Variants in SEPTIN7 observed in about 807,000 individuals in gnomAD.
SEPTIN7 encodes the protein septin 7, also known as septin-7.
In SEPTIN7, 10 loss-of-function variants were observed where a neutral mutation model predicts 63.3. The observed-to-expected ratio is 0.16, with a 90% confidence interval of 0.10 to 0.27. SEPTIN7 has a LOEUF of 0.27. Ranked by LOEUF, SEPTIN7 falls within the 10% of genes least tolerant of loss-of-function variation. The pLI, the probability that SEPTIN7 is intolerant of heterozygous loss-of-function variation, is 1.00. For missense variants in SEPTIN7, 310 were observed against 521.0 expected (o/e 0.59, Z 3.94); for synonymous variants, 131 against 165.3 (o/e 0.79, Z 1.59).
At chr7:35,821,665 A>G (rs1789416872) in intron 1 of SEPTIN7, among the ~76,000 whole-genome samples, 1 of 152,254 alleles carries the variant, frequency 6.6e-6, no homozygotes, top group African/African-American at 2.4e-5. Flanking sequence ...TTTGGTCCAC[A>G]TGGTTAAATT....
At chr7:35,854,018 G>C (rs1321862298) in intron 3 of SEPTIN7, among the ~76,000 whole-genome samples, 1 of 152,122 alleles carries the variant, frequency 6.6e-6, no homozygotes, top group Non-Finnish European at 1.5e-5. Context: ...TGAAATCTCA[G>C]ATACTCCAAA....
rs1786439031 is a variant in SEPTIN7 at position 35,875,778 on chromosome 7, CATA to C, written c.512+2004_512+2006del. On this transcript the variant is annotated intron_variant, in intron 6 of 13. Transcript: ENST00000350320. ...AGAAGGATTTTTTCTCTTATACATA[CATA>C]CATACATACATACAAAAAAAATTTG... 3.9e-5 allele frequency among the ~76,000 whole-genome samples: 6 copies of C among 151,966 alleles called. No individual in the cohort carries two copies. In the South Asian group the frequency reaches 1.3e-3, roughly 33 times the overall value.
intron 4 of SEPTIN7, among the ~76,000 whole-genome samples, chr7:35,870,841 AAAAT>A (rs1469059682): frequency 6.6e-6 from 1 of 151,870 alleles, no homozygotes; most frequent in Admixed American, 6.6e-5. Context: ...AAAAAAAAAA[AAAAT>A]GTTTTTCCTT....
chr7:35,885,326 A>G (rs560005629), intron 9 of SEPTIN7, among the ~76,000 whole-genome samples: 1 of 152,206 alleles, frequency 6.6e-6, no homozygotes, highest in South Asian at 2.1e-4. Flanking sequence ...CGCACCGGAG[A>G]AATTGATTTG....
intron 1 of SEPTIN7, among the ~76,000 whole-genome samples, chr7:35,819,794 T>TTG (rs764279571): frequency 5.9e-5 from 9 of 152,152 alleles, no homozygotes; most frequent in Non-Finnish European, 1.0e-4. Flanking sequence ...CTGTTTGTGT[T>TTG]TGTGATTCTG....
chr7:35,845,216 T>TA (rs1784599138), intron 3 of SEPTIN7, among the ~76,000 whole-genome samples: 2 of 152,120 alleles, frequency 1.3e-5, no homozygotes, highest in African/African-American at 4.8e-5. Flanking sequence ...ATTGTGTATA[T>TA]GAGTGTACTA....
intron 4 of SEPTIN7, among the ~76,000 whole-genome samples, chr7:35,868,111 C>G (rs1184818180): frequency 2.0e-5 from 3 of 152,124 alleles, no homozygotes; most frequent in Non-Finnish European, 4.4e-5. Flanking sequence ...CTCAACTGAT[C>G]CTTCCACCTC....
chr7:35,832,620 C>T lies in SEPTIN7; in HGVS notation c.67-178C>T, dbSNP rs1783888168. 5 of 554,510 alleles carry T rather than the reference C, an allele frequency of 9.0e-6. No individual in the cohort carries two copies. In the East Asian group the frequency reaches 1.4e-4, roughly 15 times the overall value. The allele number at this position is 554,510 out of a possible 1,614,324, so 34.3% of individuals were successfully genotyped here. A position where few individuals can be genotyped will look rare whatever the true frequency, so the allele number is the denominator to read the frequency against. On this transcript the variant is annotated intron_variant, in intron 2 of 13. Coordinates refer to ENST00000350320, the MANE Select transcript of SEPTIN7 (RefSeq NM_001788.6). ...CCATTATATTGTCAGTCAACTCATG[C>T]TCAAATAATTTTGTCCATTTAAGAA...
intron 3 of SEPTIN7, among the ~76,000 whole-genome samples, chr7:35,855,018 T>C (rs1468471303): frequency 6.6e-6 from 1 of 152,162 alleles, no homozygotes; most frequent in Admixed American, 6.5e-5. Context: ...AAAGCAAGTT[T>C]CCTTTTTTCT....
chr7:35,880,881 G>A (rs138096124), intron 7 of SEPTIN7, among the ~76,000 whole-genome samples: 11 of 152,058 alleles, frequency 7.2e-5, no homozygotes, highest in African/African-American at 2.4e-4. Context: ...ATTTAATTGT[G>A]TTTGGTTCGT....
intron 1 of SEPTIN7, among the ~76,000 whole-genome samples, chr7:35,808,639 A>G (rs1213681530): frequency 2.0e-5 from 3 of 152,198 alleles, no homozygotes; most frequent in Admixed American, 6.5e-5. Flanking sequence ...TTTGGAGGGA[A>G]CAAATGCTGT....
chr7:35,912,500 G>A, the SEPTIN7 span, among the ~76,000 whole-genome samples: 7 of 152,068 alleles, frequency 4.6e-5, no homozygotes, highest in African/African-American at 1.4e-4. Flanking sequence ...ATCTCTGTTC[G>A]GGGCTCTCAG....
At position 35,904,382 on chromosome 7, in the gene SEPTIN7, CCA is replaced by C; in HGVS notation, c.*90_*91del. 1 of 1,028,598 alleles carries C rather than the reference CCA, an allele frequency of 9.7e-7. No homozygotes were observed. Among genetic ancestry groups the C allele is most frequent in the East Asian group, 2.8e-5 (1 of 35,486 alleles). 63.7% of individuals were successfully genotyped at this position (1,028,598 alleles called of 1,614,324 possible). A position where few individuals can be genotyped will look rare whatever the true frequency, so the allele number is the denominator to read the frequency against. ...GTTGGATCCGTTTGACCAATTTGCA[CCA>C]GTTTTATCCATAATGATGGATTTAA... is the stretch of plus-strand genomic sequence containing the variant. On this transcript the variant is annotated 3_prime_UTR_variant, in exon 14 of 14. Coordinates refer to ENST00000350320, the MANE Select transcript of SEPTIN7 (RefSeq NM_001788.6).
chr7:35,889,932 G>A (rs966018574), intron 10 of SEPTIN7, among the ~76,000 whole-genome samples: 10 of 152,170 alleles, frequency 6.6e-5, no homozygotes, highest in African/African-American at 2.2e-4. Flanking sequence ...GTTTGAGATA[G>A]AATGGATGAT....
Position 35,870,037 on chromosome 7 carries a change from A to T in SEPTIN7, c.277-2629A>T, listed in dbSNP as rs147419192. On this transcript the variant is annotated intron_variant, in intron 4 of 13. Coordinates refer to ENST00000350320, the MANE Select transcript of SEPTIN7 (RefSeq NM_001788.6). ...ACTTCAACTAATTTGTTTTCCATGGATCCCATGAGGATACTTGTAAAAGCA... is the reference window on the plus strand; with the variant it reads ...ACTTCAACTAATTTGTTTTCCATGGTTCCCATGAGGATACTTGTAAAAGCA... Among the ~76,000 whole-genome samples, 700 of 152,324 alleles carry T rather than the reference A, an allele frequency of 4.6e-3. 6 individuals are homozygous for T. Among genetic ancestry groups the T allele is most frequent in the African/African-American group, 0.016 (662 of 41,574 alleles).
chr7:35,817,040 C>G (rs752612996), intron 1 of SEPTIN7, among the ~76,000 whole-genome samples: 1 of 148,978 alleles, frequency 6.7e-6, no homozygotes, highest in Non-Finnish European at 1.5e-5. Flanking sequence ...TGATAGTGTT[C>G]TGTGAAGTAC....
In SEPTIN7 at chr7:35,904,706, T is replaced by A. The variant is rs547807341; in HGVS notation, c.*413T>A. 1 of 154,494 alleles carries A rather than the reference T, an allele frequency of 6.5e-6. No homozygotes were observed. Among genetic ancestry groups the A allele is most frequent in the Non-Finnish European group, 1.4e-5 (1 of 69,462 alleles). The allele number at this position is 154,494 out of a possible 1,614,324, so 9.6% of individuals were successfully genotyped here. On this transcript the variant is annotated 3_prime_UTR_variant, in exon 14 of 14. Transcript: ENST00000350320. ...CTGTGCTTCTCTATGATAATTACAA[T>A]ACAAAGGTTCCATTCAGTGCAGCAT... is the stretch of plus-strand genomic sequence containing the variant.
chr7:35,808,008 A>C (rs1386000770), intron 1 of SEPTIN7, among the ~76,000 whole-genome samples: 1 of 151,486 alleles, frequency 6.6e-6, no homozygotes, highest in Non-Finnish European at 1.5e-5. Flanking sequence ...TTTTTAGTAG[A>C]GACGGGGTTT....
intron 7 of SEPTIN7, among the ~76,000 whole-genome samples, chr7:35,881,619 A>G (rs1786884879): frequency 6.6e-6 from 1 of 151,630 alleles, no homozygotes; most frequent in Admixed American, 6.6e-5. Flanking sequence ...ATGTAACACA[A>G]TTTGTTCAGG....
Sources: allele counts gnomAD v4.1 joint callset (sites outside exome capture counted in the v4.1 genomes callset), GRCh38; gene constraint gnomAD v4.1.1; transcripts MANE v1.5; gene names NCBI Gene and HGNC (gene_info 2026-07-23, HGNC 2026-07-21).